The following LMTK3 variants were observed in gnomAD, a reference collection of about 807,000 sequenced individuals.
LMTK3 encodes serine/threonine-protein kinase LMTK3.
In LMTK3, 27 loss-of-function variants were observed where a neutral mutation model predicts 116.7. That is an observed-to-expected ratio of 0.23 (90% CI 0.17 to 0.32). The LOEUF is 0.32. Among genes scored for constraint, LMTK3 ranks in the 10% least tolerant of loss-of-function variants. The pLI, the probability that LMTK3 is intolerant of heterozygous loss-of-function variation, is 1.00. For synonymous variants in LMTK3, 965 were observed against 971.0 expected, an observed-to-expected ratio of 0.99 and a Z score of 0.11; for missense variants, 1,764 against 2,068.5, an observed-to-expected ratio of 0.85 and a Z score of 2.86.
At position 48,501,480 on chromosome 19, in the gene LMTK3, T is replaced by G; in HGVS notation, c.877A>C (p.Lys293Gln). Residue 293 changes from lysine to glutamine, a missense_variant and splice_region_variant, in exon 8 of 15, where the codon AAG (lysine) becomes CAG (glutamine). Coordinates refer to ENST00000600059, the MANE Select transcript of LMTK3 (RefSeq NM_001388485.1). The part of the protein sequence containing the change: ...GDYGLAHSNY[K>Q]EDYYLTPERL... ...ATCCCGACGGAAGGAAGCCCTACCT[T>G]GTAGTTGCTGTGGGCCAGCCCGTAG... is the stretch of plus-strand genomic sequence containing the variant. The G allele has an allele frequency of 6.2e-7, 1 of 1,612,480 alleles. No individual in the cohort carries two copies. The highest frequency in any genetic ancestry group is 8.5e-7 in the Non-Finnish European group (1 of 1,179,284).
At chr19:48,493,306 C>T (rs1164246649) in intron 12 of LMTK3, among the ~76,000 whole-genome samples, 1 of 150,938 alleles carries the variant, frequency 6.6e-6, no homozygotes, top group Non-Finnish European at 1.5e-5. Context: ...GGCTCGACCT[C>T]CCTCCAGGCC....
At chr19:48,496,401 C>G (rs554837003) in intron 11 of LMTK3, among the ~76,000 whole-genome samples, 3 of 151,882 alleles carry the variant, frequency 2.0e-5, no homozygotes, top group Admixed American at 6.6e-5. Context: ...TGGCTTCAAA[C>G]GATTCTCCTG....
At chr19:48,512,406 C>T (rs1224990919), upstream of LMTK3, among the ~76,000 whole-genome samples, 1 of 152,114 alleles carries the variant, frequency 6.6e-6, no homozygotes, top group Admixed American at 6.6e-5. Context: ...CAGACGCACA[C>T]GCCACAGACA....
rs1601041670 is a variant in LMTK3 at position 48,491,773 on chromosome 19, C to T, written c.4093-234G>A. Among the ~76,000 whole-genome samples, 1 of 152,204 alleles carries T rather than the reference C, an allele frequency of 6.6e-6. No homozygotes were observed. The highest frequency in any genetic ancestry group is 1.9e-4 in the East Asian group (1 of 5,200). On this transcript the variant is annotated intron_variant, in intron 12 of 14. Transcript: ENST00000600059. The surrounding 1 kb of genome is among the most constrained non-coding windows in gnomAD (Gnocchi z 5.1). ...GGCTCCTTTCCTGACAGCGGAGCCC[C>T]GCGCACAGCTAAGTAGCCCAACGCA...
chr19:48,485,616 G>A lies in LMTK3; in HGVS notation c.*157C>T, dbSNP rs1972108550. 12 of 778,792 alleles carry A rather than the reference G, an allele frequency of 1.5e-5. No homozygotes were observed. Among genetic ancestry groups the A allele is most frequent in the Admixed American group, 1.1e-4 (4 of 37,672 alleles). 48.2% of individuals were successfully genotyped at this position (778,792 alleles called of 1,614,324 possible). On this transcript the variant is annotated 3_prime_UTR_variant, in exon 15 of 15. Transcript: ENST00000600059. Reference sequence around the variant, plus strand: ...GGGGGGCGGGGGCCCGGGGCCTCCCGTTTGGCACATGGTAGGGGAGTGGGA... The same window carrying A: ...GGGGGGCGGGGGCCCGGGGCCTCCCATTTGGCACATGGTAGGGGAGTGGGA...
At position 48,497,733 on chromosome 19, in the gene LMTK3, C is replaced by T. The variant is rs1972358682; in HGVS notation, c.3336G>A (p.Gly1112=). 2 of 1,339,992 alleles carry T rather than the reference C, an allele frequency of 1.5e-6. No individual in the cohort carries two copies. The highest frequency in any genetic ancestry group is 1.9e-6 in the Non-Finnish European group (2 of 1,050,642). 83.0% of individuals were successfully genotyped at this position (1,339,992 alleles called of 1,614,324 possible). Residue 1112 remains glycine, a synonymous_variant, in exon 11 of 15, where the codon GGG becomes GGA. Transcript: ENST00000600059. This position sits in a 1 kb window ranked among gnomAD's most constrained non-coding sequence, Gnocchi z 5.7. ...PGAGRLDLGS[G]GRAPVGTGTA... is the part of the protein sequence containing the mutation. Reference sequence around the variant, plus strand: ...TCCCCGTGCCCACTGGGGCTCGGCCCCCACTCCCGAGGTCCAGCCTCCCAG... The same window carrying T: ...TCCCCGTGCCCACTGGGGCTCGGCCTCCACTCCCGAGGTCCAGCCTCCCAG...
At chr19:48,490,897 G>C (rs1375411178) in intron 14 of LMTK3, among the ~76,000 whole-genome samples, 1 of 152,178 alleles carries the variant, frequency 6.6e-6, no homozygotes, top group Non-Finnish European at 1.5e-5. Context: ...GGTTGGGGAC[G>C]GCCGGCCTGC....
rs1234865275 is a variant in LMTK3 at position 48,500,113 on chromosome 19, A to G, written c.1152-196T>C. On this transcript the variant is annotated intron_variant, in intron 10 of 14. Coordinates refer to ENST00000600059, the MANE Select transcript of LMTK3 (RefSeq NM_001388485.1). This position sits in a 1 kb window ranked among gnomAD's most constrained non-coding sequence, Gnocchi z 4.0. ...GGGACAGAGATCCAGAGACAGAGGG[A>G]CAGAGACCCAGAGAGAGAGGGACAG... 6.6e-6 allele frequency among the ~76,000 whole-genome samples: 1 copy of G among 150,810 alleles called. No individual in the cohort carries two copies. Among genetic ancestry groups the G allele is most frequent in the Non-Finnish European group, 1.5e-5 (1 of 67,766 alleles).
rs370629247 is a variant in LMTK3, at chr19:48,499,004, C to T, written c.2065G>A (p.Val689Ile). 20 of 1,414,258 alleles carry T rather than the reference C, an allele frequency of 1.4e-5. No individual in the cohort carries two copies. Among genetic ancestry groups the T allele is most frequent in the East Asian group, 1.2e-4 (4 of 34,594 alleles). The allele number at this position is 1,414,258 out of a possible 1,614,324, so 87.6% of individuals were successfully genotyped here. The change falls in exon 11 of 15, where the codon GTA becomes ATA. Residue 689 changes from valine (V) to isoleucine (I), a missense_variant. This residue lies in a region of LMTK3 where 1,028 missense variants were observed against 1,050.6 expected (regional missense o/e 0.98). Coordinates refer to ENST00000600059, the MANE Select transcript of LMTK3 (RefSeq NM_001388485.1). ...SCLPLERGDAVAGWGGHPALG... is the reference protein window; with the variant it reads ...SCLPLERGDAIAGWGGHPALG... ...GCAGGGTGGCCTCCCCAGCCTGCTA[C>T]GGCGTCCCCCCGCTCCAGTGGCAGG...
rs1449180211 is a variant in LMTK3, at chr19:48,509,502, G to C, written c.373C>G (p.Pro125Ala). Residue 125 changes from proline (P) to alanine (A), a missense_variant, in exon 4 of 15, where the codon CCC becomes GCC. Pro to Ala is a conservative substitution (Grantham distance 27, BLOSUM62 -1). Transcript: ENST00000600059. Reference sequence around the variant, plus strand: ...AGGTGCTGCCGGCTAAGGCCCAGGGGGGTGGTCATGTCTGGGGAGGGCAAG... The same window carrying C: ...AGGTGCTGCCGGCTAAGGCCCAGGGCGGTGGTCATGTCTGGGGAGGGCAAG... ...PQPSHSDMTT[P>A]LGLSRQHLSY... 2.5e-5 allele frequency: 39 copies of C among 1,556,056 alleles called. No homozygotes were observed. The highest frequency in any genetic ancestry group is 3.2e-5 in the Non-Finnish European group (37 of 1,149,068).
At chr19:48,509,368 G>T in intron 4 of LMTK3, 69 bp downstream of exon 4, 11 of 1,388,844 alleles carry the variant, frequency 7.9e-6, no homozygotes, top group Non-Finnish European at 1.1e-5. Flanking sequence ...GAGAGCAGGG[G>T]TGTGGACACA....
chr19:48,504,468 G>C (rs1314166914), intron 5 of LMTK3, among the ~76,000 whole-genome samples: 1 of 152,212 alleles, frequency 6.6e-6, no homozygotes, highest in Non-Finnish European at 1.5e-5. Flanking sequence ...AATTACATGA[G>C]ATCTGAGAGA....
intron 5 of LMTK3, among the ~76,000 whole-genome samples, chr19:48,508,007 A>C (rs1569107242): frequency 6.6e-6 from 1 of 152,092 alleles, no homozygotes; most frequent in Admixed American, 6.5e-5. Flanking sequence ...CCCCATCCAC[A>C]CCTGGGGATG....
At chr19:48,485,855 C>T (rs936125356) in intron 14 of LMTK3, 66 bp from the exon 15 acceptor site, 12 of 1,518,102 alleles carry the variant, frequency 7.9e-6, no homozygotes, top group Non-Finnish European at 1.1e-5. Flanking sequence ...GCTTCTAGGT[C>T]ACTCAGCGGA....
Position 48,494,196 on chromosome 19 carries a change from C to G in LMTK3, c.3677-87G>C. 1 of 798,090 alleles carries G rather than the reference C, an allele frequency of 1.3e-6. No individual in the cohort carries two copies. The highest frequency in any genetic ancestry group is 1.6e-6 in the Non-Finnish European group (1 of 634,414). 49.4% of individuals were successfully genotyped at this position (798,090 alleles called of 1,614,324 possible). On this transcript the variant is annotated intron_variant, in intron 11 of 14. Transcript: ENST00000600059. The surrounding 1 kb of genome is among the most constrained non-coding windows in gnomAD (Gnocchi z 4.0). ...TAGCTGTGTGGCCTCAGATAAGACC[C>G]CCGCACAATCTGGGCCTCAGCACCC...
intron 5 of LMTK3, among the ~76,000 whole-genome samples, chr19:48,504,728 A>G (rs989635327): frequency 6.6e-6 from 1 of 152,040 alleles, no homozygotes; most frequent in Admixed American, 6.6e-5. Flanking sequence ...TTGTATTTTT[A>G]GTAGATAATG....
rs1219681277 is a variant in LMTK3 at position 48,497,346 on chromosome 19, G to A, written c.3676+47C>T. ...CCCACACTCACCCTCCGCACGCCTC[G>A]GAAACAGCCGGACCTCAGCCCTGAC... is the stretch of plus-strand genomic sequence containing the variant. On this transcript the variant is annotated intron_variant, in intron 11 of 14. Coordinates refer to ENST00000600059, the MANE Select transcript of LMTK3 (RefSeq NM_001388485.1). The surrounding 1 kb of genome is among the most constrained non-coding windows in gnomAD (Gnocchi z 5.7). 8 of 1,414,384 alleles carry A rather than the reference G, an allele frequency of 5.7e-6. No homozygotes were observed. Among genetic ancestry groups the A allele is most frequent in the African/African-American group, 1.5e-5 (1 of 66,980 alleles). 87.6% of individuals were successfully genotyped at this position (1,414,384 alleles called of 1,614,324 possible). A position where few individuals can be genotyped will look rare whatever the true frequency, so the allele number is the denominator to read the frequency against.
At chr19:48,488,596 G>C (rs75401499) in intron 14 of LMTK3, among the ~76,000 whole-genome samples, 1 of 152,034 alleles carries the variant, frequency 6.6e-6, no homozygotes, top group Non-Finnish European at 1.5e-5. Flanking sequence ...AGCCACACCA[G>C]TGTCCTTCTG....
intron 3 of LMTK3, 146 bp downstream of exon 3, chr19:48,509,877 G>A (rs1972627938): frequency 1.2e-6 from 1 of 860,394 alleles, no homozygotes; most frequent in East Asian, 2.7e-5. Flanking sequence ...CCCATAGGCT[G>A]CTTCCAAGAT....
Sources: allele counts gnomAD v4.1 joint callset (sites outside exome capture counted in the v4.1 genomes callset), GRCh38; gene constraint gnomAD v4.1.1; regional missense constraint gnomAD v4.1.1; non-coding constraint Gnocchi (gnomAD v3.1); transcripts MANE v1.5; gene names NCBI Gene and HGNC (gene_info 2026-07-23, HGNC 2026-07-21).